Variants in CACNA1E observed in about 807,000 individuals in gnomAD.
The protein encoded by CACNA1E is voltage-dependent R-type calcium channel subunit alpha-1E.
Under a neutral mutation model 259.2 loss-of-function variants are expected in CACNA1E, and 40 were observed. The observed-to-expected ratio is 0.15, with a 90% CI of 0.12 to 0.20. The LOEUF is 0.20. CACNA1E is among the 10% of genes least tolerant of loss of function. CACNA1E has a pLI of 1.00. For synonymous variants in CACNA1E, 1,104 were observed against 1,138.5 expected (o/e 0.97, Z 0.61); for missense variants, 1,874 against 3,040.1 (o/e 0.62, Z 9.02).
intron 16 of CACNA1E, among the ~76,000 whole-genome samples, chr1:181,722,895 G>A (rs1654540265): frequency 6.6e-6 from 1 of 152,118 alleles, no homozygotes; most frequent in Admixed American, 6.5e-5. Context: ...AAGAACACTA[G>A]GCAGTAAGTC....
chr1:181,781,572 G>T (rs1005449630), intron 39 of CACNA1E, 49 bp downstream of exon 39: 11 of 982,860 alleles, frequency 1.1e-5, no homozygotes, highest in Non-Finnish European at 1.6e-5. Context: ...CAGGAAATGG[G>T]ATCTAGTTGT....
intron 1 of CACNA1E, among the ~76,000 whole-genome samples, chr1:181,341,765 C>T (rs751574004): frequency 1.3e-5 from 2 of 152,220 alleles, no homozygotes; most frequent in Non-Finnish European, 2.9e-5. Context: ...CTCCCTTCTC[C>T]CAACTGCCAC....
intron 6 of CACNA1E, among the ~76,000 whole-genome samples, chr1:181,639,621 A>T (rs774252836): frequency 1.3e-5 from 2 of 152,218 alleles, no homozygotes; most frequent in African/African-American, 4.8e-5. Flanking sequence ...CACCCTAATG[A>T]ACGGCAGAGA....
rs769676200 is a variant in CACNA1E at position 181,790,461 on chromosome 1, T to C, written c.5803T>C (p.Tyr1935His). The change falls in exon 44 of 48, where the codon TAC becomes CAC. Residue 1935 changes from tyrosine to histidine, a missense_variant. Physicochemically the swap from Tyr to His is moderately conservative, Grantham distance 83. This residue lies in a region of CACNA1E where 542 missense variants were observed against 587.2 expected (regional missense o/e 0.92). Coordinates refer to ENST00000367573, the MANE Select transcript of CACNA1E (RefSeq NM_001205293.3). Reference protein sequence around the residue: ...PVSGLSGRSGYPSMSPLSPQD... With the variant: ...PVSGLSGRSGHPSMSPLSPQD... Reference sequence around the variant, plus strand: ...GCTTTTCAGGAGTGGCCGGAGTGGATACCCTTCGATGAGTCCACTCTCTCC... The same window carrying C: ...GCTTTTCAGGAGTGGCCGGAGTGGACACCCTTCGATGAGTCCACTCTCTCC... 1.9e-6 allele frequency: 3 copies of C among 1,611,238 alleles called. No individual in the cohort carries two copies. Among genetic ancestry groups the C allele is most frequent in the Admixed American group, 1.7e-5 (1 of 60,012 alleles).
At chr1:181,645,145 A>G (rs540380403) in intron 6 of CACNA1E, among the ~76,000 whole-genome samples, 7 of 152,320 alleles carry the variant, frequency 4.6e-5, no homozygotes, top group African/African-American at 1.7e-4. Flanking sequence ...TGGATGGCTC[A>G]GCACATGCAG....
intron 3 of CACNA1E, among the ~76,000 whole-genome samples, chr1:181,560,345 C>A (rs1176756862): frequency 6.6e-6 from 1 of 151,976 alleles, no homozygotes; most frequent in Non-Finnish European, 1.5e-5. Context: ...ATTCCACTAC[C>A]TAAAGACAAT....
At chr1:181,774,022 G>C (rs1308529877) in intron 37 of CACNA1E, among the ~76,000 whole-genome samples, 1 of 152,300 alleles carries the variant, frequency 6.6e-6, no homozygotes, top group East Asian at 1.9e-4. Flanking sequence ...GAGATTTACT[G>C]ATGCCTCTAC....
At chr1:181,470,944 C>T (rs754994434) in intron 2 of CACNA1E, among the ~76,000 whole-genome samples, 9 of 152,130 alleles carry the variant, frequency 5.9e-5, no homozygotes, top group Admixed American at 1.3e-4. Flanking sequence ...TACTCTAGAA[C>T]GGGTAATTTA....
chr1:181,465,846 A>G (rs1013767924), intron 2 of CACNA1E, among the ~76,000 whole-genome samples: 1 of 152,140 alleles, frequency 6.6e-6, no homozygotes, highest in African/African-American at 2.4e-5. Flanking sequence ...TTTTGATTAC[A>G]AGTCATGTTT....
rs563855136 is a variant in CACNA1E at position 181,679,982 on chromosome 1, G to A, written c.1055+28541G>A. Among the ~76,000 whole-genome samples, 6 of 152,006 alleles carry A rather than the reference G, an allele frequency of 3.9e-5. No homozygotes were observed. In the South Asian group the frequency reaches 1.3e-3, roughly 32 times the overall value. ...AAAAATATTAGCAGAGCATGGTGGTGTGTACCTATAGTCCTAGCTACTCGG... is the reference window on the plus strand; with the variant it reads ...AAAAATATTAGCAGAGCATGGTGGTATGTACCTATAGTCCTAGCTACTCGG... On this transcript the variant is annotated intron_variant, in intron 7 of 47. Coordinates refer to ENST00000367573, the MANE Select transcript of CACNA1E (RefSeq NM_001205293.3).
intron 3 of CACNA1E, among the ~76,000 whole-genome samples, chr1:181,548,560 C>T (rs1367031445): frequency 6.6e-6 from 1 of 152,192 alleles, no homozygotes; most frequent in Non-Finnish European, 1.5e-5. Flanking sequence ...GCTTTGTCCA[C>T]ACAATGTCTT....
chr1:181,389,461 A>G (rs1159761569), intron 1 of CACNA1E, among the ~76,000 whole-genome samples: 1 of 152,214 alleles, frequency 6.6e-6, no homozygotes, highest in Non-Finnish European at 1.5e-5. Context: ...TCTTGGGGTT[A>G]CAAATCAACG....
At chr1:181,341,920 G>A (rs888880505) in intron 1 of CACNA1E, among the ~76,000 whole-genome samples, 4 of 152,196 alleles carry the variant, frequency 2.6e-5, no homozygotes, top group Admixed American at 2.6e-4. Flanking sequence ...GATAAAGGTG[G>A]GAGGAGATAA....
intron 25 of CACNA1E, among the ~76,000 whole-genome samples, chr1:181,743,137 C>T (rs774400209): frequency 6.6e-6 from 1 of 152,186 alleles, no homozygotes; most frequent in African/African-American, 2.4e-5. Context: ...AGGTTGGGTT[C>T]AGGGCTTCGT....
chr1:181,579,049 T>A, intron 4 of CACNA1E, 23 bp from the exon 5 acceptor site: 3 of 1,582,474 alleles, frequency 1.9e-6, no homozygotes, highest in Non-Finnish European at 2.6e-6. Flanking sequence ...GCTGCATTGG[T>A]CATTCTCTGT....
chr1:181,517,858 G>A (rs1399428859), intron 3 of CACNA1E, among the ~76,000 whole-genome samples: 2 of 152,192 alleles, frequency 1.3e-5, no homozygotes, highest in Non-Finnish European at 2.9e-5. Flanking sequence ...GGAAAGCAGA[G>A]TTTTCCTCAG....
intron 1 of CACNA1E, among the ~76,000 whole-genome samples, chr1:181,372,582 C>T (rs1654779100): frequency 6.6e-6 from 1 of 151,982 alleles, no homozygotes; most frequent in Non-Finnish European, 1.5e-5. Flanking sequence ...ATTTGGATGC[C>T]TTTTATTTCT....
intron 7 of CACNA1E, among the ~76,000 whole-genome samples, chr1:181,668,088 C>T (rs1333471207): frequency 1.3e-5 from 2 of 152,130 alleles, no homozygotes; most frequent in African/African-American, 4.8e-5. Flanking sequence ...TGTAAATTTG[C>T]ATAACCACTG....
At chr1:181,572,574 T>A (rs1217925355) in intron 3 of CACNA1E, among the ~76,000 whole-genome samples, 2 of 152,166 alleles carry the variant, frequency 1.3e-5, no homozygotes, top group Non-Finnish European at 2.9e-5. Flanking sequence ...CCCCCCTGTA[T>A]ACAGAGCTTT....
Sources: gnomAD v4.1 joint callset for allele counts (sites outside exome capture counted in the v4.1 genomes callset) on GRCh38, gnomAD v4.1.1 for gene constraint, gnomAD v4.1.1 regional missense constraint, MANE v1.5 for transcripts, NCBI Gene and HGNC (gene_info 2026-07-23, HGNC 2026-07-21) for gene names.